PRKN: variants seen among roughly 807,000 people sequenced by gnomAD.
The protein encoded by PRKN is E3 ubiquitin-protein ligase parkin.
Under a neutral mutation model 59.5 loss-of-function variants are expected in PRKN, and 56 were observed. The observed-to-expected ratio is 0.94, with a 90% CI of 0.76 to 1.18. The LOEUF is 1.18. Ranked by LOEUF, PRKN falls within the 50% of genes most tolerant of loss-of-function variation. The pLI, the probability that PRKN is intolerant of heterozygous loss-of-function variation, is 0.00. For missense variants in PRKN, 657 were observed against 596.4 expected, an observed-to-expected ratio of 1.10 and a Z score of -1.06; for synonymous variants, 250 against 222.1, an observed-to-expected ratio of 1.13 and a Z score of -1.12.
At chr6:162,471,443 T>C (rs1173241849) in intron 1 of PRKN, among the ~76,000 whole-genome samples, 1 of 152,188 alleles carries the variant, frequency 6.6e-6, no homozygotes, top group African/African-American at 2.4e-5. Flanking sequence ...ATAGAGCCAT[T>C]TGTTACAATA....
At chr6:162,069,238 G>C (rs1163970106) in intron 4 of PRKN, among the ~76,000 whole-genome samples, 1 of 152,130 alleles carries the variant, frequency 6.6e-6, no homozygotes, top group Non-Finnish European at 1.5e-5. Flanking sequence ...CATGAAATCT[G>C]ATGGGTGTAT....
chr6:162,595,224 A>G (rs1329208450), intron 1 of PRKN, among the ~76,000 whole-genome samples: 1 of 152,100 alleles, frequency 6.6e-6, no homozygotes, highest in Non-Finnish European at 1.5e-5. Flanking sequence ...ATGGCAACAA[A>G]AAATTGTTCC....
rs1428258789 is a variant in PRKN, at chr6:161,454,700, C to T, written c.1084-67823G>A. Among the ~76,000 whole-genome samples, 1 of 152,152 alleles carries T rather than the reference C, an allele frequency of 6.6e-6. No homozygotes were observed. The highest frequency in any genetic ancestry group is 1.5e-5 in the Non-Finnish European group (1 of 68,028). ...ACCAAAGCCAGTGTGAGAAATCCAG[C>T]CCACCATTAGGGCTACTGAAGTCCC... On this transcript the variant is annotated intron_variant, in intron 9 of 11. Transcript: ENST00000366898. This position sits in a 1 kb window ranked among gnomAD's most constrained non-coding sequence, Gnocchi z 4.6.
chr6:161,469,671 CA>C, intron 9 of PRKN, among the ~76,000 whole-genome samples: 1 of 152,246 alleles, frequency 6.6e-6, no homozygotes, highest in South Asian at 2.1e-4. Context: ...GGAATCCAGG[CA>C]GCCTCAAGAA....
intron 2 of PRKN, among the ~76,000 whole-genome samples, chr6:162,440,520 A>G (rs1790000949): frequency 6.6e-6 from 1 of 152,168 alleles, no homozygotes; most frequent in South Asian, 2.1e-4. Context: ...CTCCCAACAT[A>G]TAATTTTGTC....
intron 7 of PRKN, among the ~76,000 whole-genome samples, chr6:161,671,379 C>CTGCAACCGGCTGCAT (rs1562597253): frequency 6.6e-6 from 1 of 152,194 alleles, no homozygotes; most frequent in African/African-American, 2.4e-5. Context: ...AGACCCCCCA[C>CTGCAACCGGCTGCAT]TGCAACCGGC....
intron 10 of PRKN, among the ~76,000 whole-genome samples, chr6:161,381,218 C>G (rs549607680): frequency 1.3e-5 from 2 of 152,144 alleles, no homozygotes; most frequent in African/African-American, 2.4e-5. Flanking sequence ...AACAACAGCC[C>G]ACTCATCCCC....
intron 7 of PRKN, among the ~76,000 whole-genome samples, chr6:161,644,626 C>T (rs1054241294): frequency 6.6e-6 from 1 of 152,188 alleles, no homozygotes; most frequent in Non-Finnish European, 1.5e-5. Context: ...CTCATGTCTT[C>T]ATGGCGTCTG....
At chr6:162,410,861 G>A (rs779570649) in intron 2 of PRKN, among the ~76,000 whole-genome samples, 6 of 152,184 alleles carry the variant, frequency 3.9e-5, no homozygotes, top group Non-Finnish European at 5.9e-5. Context: ...TAAGGCTCAT[G>A]AGGATGAGGA....
intron 9 of PRKN, among the ~76,000 whole-genome samples, chr6:161,491,862 C>T (rs767502441): frequency 6.6e-6 from 1 of 152,116 alleles, no homozygotes; most frequent in Non-Finnish European, 1.5e-5. Context: ...GAACTCCTGA[C>T]CTCAGGTGAT....
chr6:162,082,028 A>C (rs1431177476), intron 4 of PRKN, among the ~76,000 whole-genome samples: 1 of 152,092 alleles, frequency 6.6e-6, no homozygotes, highest in Non-Finnish European at 1.5e-5. Flanking sequence ...CTCAGCCTTC[A>C]TAGAATTGAA....
In PRKN at chr6:161,830,018, C is replaced by G. The variant is rs187275937; in HGVS notation, c.735-44110G>C. Reference sequence around the variant, plus strand: ...GTGCCCTGCTTCGGCTACACTGGCCCCTTTGTCCCTACTACCATCTCTCTT... The same window carrying G: ...GTGCCCTGCTTCGGCTACACTGGCCGCTTTGTCCCTACTACCATCTCTCTT... On this transcript the variant is annotated intron_variant, in intron 6 of 11. Transcript: ENST00000366898. Among the ~76,000 whole-genome samples, 1,204 of 152,212 alleles carry G rather than the reference C, an allele frequency of 7.9e-3. 15 individuals carry two copies. The highest frequency in any genetic ancestry group is 0.027 in the African/African-American group (1,133 of 41,530).
chr6:162,330,142 G>T (rs1488792617), intron 2 of PRKN, among the ~76,000 whole-genome samples: 1 of 152,130 alleles, frequency 6.6e-6, no homozygotes, highest in Non-Finnish European at 1.5e-5. Context: ...AGCAAGTCAG[G>T]TCTTTTGAAA....
intron 5 of PRKN, among the ~76,000 whole-genome samples, chr6:161,983,929 A>G (rs1438102577): frequency 6.6e-6 from 1 of 152,034 alleles, no homozygotes; most frequent in African/African-American, 2.4e-5. Flanking sequence ...AATAAAATAA[A>G]AGGTTTGCAG....
chr6:161,566,477 G>C lies in PRKN; in HGVS notation c.933+2878C>G, dbSNP rs1434832366. On this transcript the variant is annotated intron_variant, in intron 8 of 11. Coordinates refer to ENST00000366898, the MANE Select transcript of PRKN (RefSeq NM_004562.3). This position sits in a 1 kb window ranked among gnomAD's most constrained non-coding sequence, Gnocchi z 4.1. The stretch of plus-strand genomic sequence containing the variant: ...GCTGGAGTGCATTGGCACGATATTG[G>C]CTCACTGCAACCTCCGCCTCCCAGG... Among the ~76,000 whole-genome samples, 1 of 152,154 alleles carries C rather than the reference G, an allele frequency of 6.6e-6. No individual in the cohort carries two copies. Among genetic ancestry groups the C allele is most frequent in the Non-Finnish European group, 1.5e-5 (1 of 68,032 alleles).
intron 7 of PRKN, among the ~76,000 whole-genome samples, chr6:161,757,886 TACAC>T (rs373332894): frequency 0.088 from 10,160 of 115,632 alleles, 755 homozygotes; most frequent in African/African-American, 0.15. Flanking sequence ...TATATATATA[TACAC>T]ACACACACAC....
chr6:161,680,767 ATATATATAT>A (rs1194422488), intron 7 of PRKN, among the ~76,000 whole-genome samples: 2 of 12,244 alleles, frequency 1.6e-4, no homozygotes, highest in African/African-American at 4.6e-4. Flanking sequence ...ATATATATAT[ATATATATAT>A]TTTTTTTTTT....
intron 5 of PRKN, among the ~76,000 whole-genome samples, chr6:162,009,639 TAA>T (rs939245545): frequency 6.6e-6 from 1 of 151,486 alleles, no homozygotes; most frequent in African/African-American, 2.4e-5. Flanking sequence ...TGCAGTGAAA[TAA>T]AAGTCCTCTC....
chr6:161,733,862 A>G (rs1787851628), intron 7 of PRKN, among the ~76,000 whole-genome samples: 1 of 147,178 alleles, frequency 6.8e-6, no homozygotes, highest in East Asian at 2.0e-4. Context: ...AAGTGCTTAT[A>G]TTTTTAAACT....
Sources: gnomAD v4.1 joint callset for allele counts (sites outside exome capture counted in the v4.1 genomes callset) on GRCh38, gnomAD v4.1.1 for gene constraint, Gnocchi (gnomAD v3.1) non-coding constraint, MANE v1.5 for transcripts, NCBI Gene and HGNC (gene_info 2026-07-23, HGNC 2026-07-21) for gene names.